The following THOC2 variants were observed in gnomAD, a reference collection of about 807,000 sequenced individuals.
The protein encoded by THOC2 is THO complex subunit 2, also known as THO complex 2.
In THOC2, 10 loss-of-function variants were observed where a neutral mutation model predicts 128.4. The observed-to-expected ratio is 0.08, with a 90% CI of 0.05 to 0.13. The LOEUF is 0.13. Ranked by LOEUF, THOC2 falls within the 10% of genes least tolerant of loss-of-function variation. The pLI is 1.00. For missense variants in THOC2, 535 were observed against 1,155.7 expected, an observed-to-expected ratio of 0.46 and a Z score of 7.79; for synonymous variants, 393 against 396.9, an observed-to-expected ratio of 0.99 and a Z score of 0.12.
At position 123,721,333 on chromosome X, in the gene THOC2, T is replaced by C. The variant is rs771399781; in HGVS notation, c.72-8425A>G. On this transcript the variant is annotated intron_variant, in intron 1 of 38. Transcript: ENST00000245838. ...GATTACAGGTGTGCACGACCATGCC[T>C]GGCTAATTTTTGTATTTTAAGTAGA... Among the ~76,000 whole-genome samples, 15 of 108,826 alleles carry C rather than the reference T, an allele frequency of 1.4e-4. No individual in the cohort carries two copies. In the East Asian group the frequency reaches 4.5e-3, roughly 33 times the overall value. 94.5% of individuals were successfully genotyped at this position (108,826 alleles called of 115,157 possible).
chrX:123,654,213 C>T (rs1387811930), intron 12 of THOC2, among the ~76,000 whole-genome samples: 3 of 109,234 alleles, frequency 2.7e-5, no homozygotes, highest in Non-Finnish European at 5.7e-5. Context: ...AATTAGAACA[C>T]AAGGACACAG....
chrX:123,661,030 C>A (rs1330421930), intron 12 of THOC2, among the ~76,000 whole-genome samples: 2 of 112,230 alleles, frequency 1.8e-5, no homozygotes, highest in African/African-American at 6.5e-5. Context: ...GTGGATGGAA[C>A]TGAAGGTCTT....
chrX:123,624,031 G>C, intron 27 of THOC2, 29 bp downstream of exon 27: 2 of 1,178,864 alleles, frequency 1.7e-6, no homozygotes, highest in Non-Finnish European at 2.3e-6. Flanking sequence ...AGAAAAATTT[G>C]CCTTTGAAAA....
rs187040306 is a variant in THOC2 at position 123,627,461 on chromosome X, T to C, written c.2757+232A>G. Among the ~76,000 whole-genome samples, 75 of 111,813 alleles carry C rather than the reference T, an allele frequency of 6.7e-4. No homozygotes were observed. In the South Asian group the frequency reaches 0.014, roughly 20 times the overall value. Reference sequence around the variant, plus strand: ...CATGAATCACTTTAAGTTACTAGCATAGTCGTCAGTAGAAAAGGACACTCA... The same window carrying C: ...CATGAATCACTTTAAGTTACTAGCACAGTCGTCAGTAGAAAAGGACACTCA... On this transcript the variant is annotated intron_variant, in intron 23 of 38. Transcript: ENST00000245838.
chrX:123,635,237 TA>T (rs2147654236), intron 19 of THOC2, among the ~76,000 whole-genome samples: 1 of 111,467 alleles, frequency 9.0e-6, no homozygotes, highest in Non-Finnish European at 1.9e-5. Context: ...AGTTATAGAT[TA>T]AAAAATGATA....
At chrX:123,636,622 ATC>A (rs1035840913) in intron 18 of THOC2, among the ~76,000 whole-genome samples, 14 of 111,563 alleles carry the variant, frequency 1.3e-4, no homozygotes, top group African/African-American at 3.9e-4. Context: ...AAAAAAAAAA[ATC>A]TCTTTTTATC....
chrX:123,688,854 G>A (rs945257470), intron 7 of THOC2, among the ~76,000 whole-genome samples: 1 of 111,675 alleles, frequency 9.0e-6, no homozygotes. Flanking sequence ...ACTGATGATA[G>A]ATTATGGAAG....
intron 8 of THOC2, among the ~76,000 whole-genome samples, chrX:123,683,954 G>A (rs2049896199): frequency 9.1e-6 from 1 of 110,478 alleles, no homozygotes; most frequent in Non-Finnish European, 1.9e-5. Context: ...AGAGCAATAT[G>A]AGGGTTAGTC....
rs141665146 is a variant in THOC2, at chrX:123,708,772, A to G, written c.131-1823T>C. On this transcript the variant is annotated intron_variant, in intron 2 of 38. Coordinates refer to ENST00000245838, the MANE Select transcript of THOC2 (RefSeq NM_001081550.2). ...TTTTCTTATTTTTTTTTTCTTTTGA[A>G]ACAGAGTCTCGCCCTCCAGGCTGGG... 4.4e-3 allele frequency among the ~76,000 whole-genome samples: 487 copies of G among 111,816 alleles called. 1 individual carries two copies. Among genetic ancestry groups the G allele is most frequent in the African/African-American group, 0.015 (460 of 30,843 alleles).
At chrX:123,701,710 A>T (rs930605124) in intron 4 of THOC2, among the ~76,000 whole-genome samples, 1 of 111,063 alleles carries the variant, frequency 9.0e-6, no homozygotes, top group Non-Finnish European at 1.9e-5. Context: ...AAAAAAGGTA[A>T]TATCTTTAGT....
At chrX:123,713,841 G>T (rs1413990262) in intron 1 of THOC2, among the ~76,000 whole-genome samples, 1 of 90,109 alleles carries the variant, frequency 1.1e-5, no homozygotes, top group Admixed American at 1.3e-4. Context: ...TGGGAGACAG[G>T]AAAAAAAAAA....
intron 12 of THOC2, among the ~76,000 whole-genome samples, chrX:123,648,570 A>G (rs2048226699): frequency 8.9e-6 from 1 of 112,510 alleles, no homozygotes; most frequent in South Asian, 3.7e-4. Context: ...CCGGCTTGAC[A>G]TTCTCGCTGC....
chrX:123,652,004 T>A (rs1388031362), intron 12 of THOC2, among the ~76,000 whole-genome samples: 1 of 111,239 alleles, frequency 9.0e-6, no homozygotes, highest in African/African-American at 3.3e-5. Context: ...CCAACATCCC[T>A]GATGAACATA....
intron 12 of THOC2, among the ~76,000 whole-genome samples, chrX:123,647,615 C>T (rs2048178272): frequency 9.0e-6 from 1 of 110,510 alleles, no homozygotes; most frequent in African/African-American, 3.3e-5. Flanking sequence ...GCAGACAGAT[C>T]ATGAGGTCGG....
At chrX:123,628,114 TA>T (rs1324489599) in intron 22 of THOC2, 146 bp from the exon 23 acceptor site, 4 of 502,060 alleles carry the variant, frequency 8.0e-6, no homozygotes, top group Non-Finnish European at 1.3e-5. Flanking sequence ...TCTAGTTTCT[TA>T]TGAACAACGT....
chrX:123,621,094 A>G, intron 31 of THOC2, 63 bp downstream of exon 31: 1 of 1,175,583 alleles, frequency 8.5e-7, no homozygotes, highest in Non-Finnish European at 1.1e-6. Context: ...AAACAAGGAG[A>G]CAATAACCAA....
chrX:123,602,874 G>A (rs760485431), intron 38 of THOC2: 1 of 109,622 alleles, frequency 9.1e-6, no homozygotes, highest in Non-Finnish European at 1.9e-5. Context: ...AGGCGTGGTG[G>A]TGCACGCCTG....
intron 12 of THOC2, among the ~76,000 whole-genome samples, chrX:123,654,993 AG>A (rs1183838589): frequency 3.6e-5 from 4 of 110,300 alleles, no homozygotes; most frequent in African/African-American, 1.3e-4. Flanking sequence ...AGATATAACT[AG>A]ATAATTTTTT....
intron 7 of THOC2, among the ~76,000 whole-genome samples, chrX:123,694,960 T>C (rs770436367): frequency 1.4e-4 from 16 of 112,339 alleles, no homozygotes; most frequent in Non-Finnish European, 2.8e-4. Flanking sequence ...CCCCGTCTCT[T>C]AAAAAATAAA....
Sources: allele counts gnomAD v4.1 joint callset (sites outside exome capture counted in the v4.1 genomes callset), GRCh38; gene constraint gnomAD v4.1.1; transcripts MANE v1.5; gene names NCBI Gene and HGNC (gene_info 2026-07-23, HGNC 2026-07-21).